Variants in WWC2 observed in about 807,000 individuals in gnomAD.
The protein encoded by WWC2 is protein WWC2.
WWC2 carries 101 observed loss-of-function variants against 138.5 expected under a neutral mutation model. The observed-to-expected ratio is 0.73, with a 90% CI of 0.62 to 0.86. WWC2 has a LOEUF of 0.86. WWC2 is among the 40% of genes least tolerant of loss of function. The pLI is 0.00. For missense variants in WWC2, 1,420 were observed against 1,419.4 expected (o/e 1.00, Z -0.01); for synonymous variants, 558 against 538.4 (o/e 1.04, Z -0.50).
At chr4:183,183,602 C>T (rs1236053415) in intron 1 of WWC2, among the ~76,000 whole-genome samples, 1 of 152,100 alleles carries the variant, frequency 6.6e-6, no homozygotes, top group African/African-American at 2.4e-5. Flanking sequence ...GGCATCAGAC[C>T]TCATGTCTAC....
Position 183,317,060 on chromosome 4 carries a change from C to T in WWC2, c.*1331C>T, listed in dbSNP as rs1255837362. 6.6e-6 allele frequency: 1 copy of T among 151,976 alleles called. No homozygotes were observed. Among genetic ancestry groups the T allele is most frequent in the Non-Finnish European group, 1.5e-5 (1 of 68,028 alleles). 9.4% of individuals were successfully genotyped at this position (151,976 alleles called of 1,614,324 possible). On this transcript the variant is annotated 3_prime_UTR_variant, in exon 23 of 23. Coordinates refer to ENST00000403733, the MANE Select transcript of WWC2 (RefSeq NM_024949.6). ...TAGTATTTAGGCCATTTAAACCATA[C>T]TTATTACTCAATAACCCAAGAAACA...
rs372750952 is a variant in WWC2, at chr4:183,223,736, G to T, written c.522+14711G>T. Among the ~76,000 whole-genome samples, 51 of 151,746 alleles carry T rather than the reference G, an allele frequency of 3.4e-4. 1 individual carries two copies. The East Asian group carries it at 5.8e-3, about 17-fold the overall frequency. ...TTTTTTATTTATTGTCTTTTTTTGAGACGGAGTCTCACCTTGTCTTACCCA... is the reference window on the plus strand; with the variant it reads ...TTTTTTATTTATTGTCTTTTTTTGATACGGAGTCTCACCTTGTCTTACCCA... On this transcript the variant is annotated intron_variant, in intron 4 of 22. Coordinates refer to ENST00000403733, the MANE Select transcript of WWC2 (RefSeq NM_024949.6).
intron 2 of WWC2, among the ~76,000 whole-genome samples, chr4:183,207,442 C>T (rs1417290795): frequency 6.6e-6 from 1 of 152,156 alleles, no homozygotes; most frequent in African/African-American, 2.4e-5. Context: ...TAAACAATAA[C>T]TGACTAAAAT....
At position 183,115,693 on chromosome 4, in the gene WWC2, T is replaced by G. The variant is rs186143397; in HGVS notation, c.131+16071T>G. Among the ~76,000 whole-genome samples the G allele has an allele frequency of 1.5e-3, 223 of 152,316 alleles. 2 individuals are homozygous for G. Among genetic ancestry groups the G allele is most frequent in the African/African-American group, 5.1e-3 (213 of 41,568 alleles). On this transcript the variant is annotated intron_variant, in intron 1 of 22. Coordinates refer to ENST00000403733, the MANE Select transcript of WWC2 (RefSeq NM_024949.6). ...GTCCGTTGCTCATTTTTTATGGGGT[T>G]GTTTGTTTTTTGCTTGTTGGTTTGT...
At chr4:183,123,855 AT>A (rs1033688439) in intron 1 of WWC2, among the ~76,000 whole-genome samples, 9 of 151,282 alleles carry the variant, frequency 5.9e-5, no homozygotes, top group Admixed American at 2.6e-4. Context: ...CTATTTGTTA[AT>A]TTTTTTTTAG....
At chr4:183,125,865 G>A (rs192245581) in intron 1 of WWC2, among the ~76,000 whole-genome samples, 21 of 152,306 alleles carry the variant, frequency 1.4e-4, no homozygotes, top group African/African-American at 5.1e-4. Flanking sequence ...CTTTAGGACT[G>A]TTTAATGAAC....
chr4:183,315,273 A>G (rs1438400473), intron 22 of WWC2, among the ~76,000 whole-genome samples: 3 of 152,062 alleles, frequency 2.0e-5, no homozygotes, highest in African/African-American at 7.2e-5. Context: ...TTTTCCTGTT[A>G]TTGTGTGCTT....
chr4:183,245,180 T>G (rs1028667884), intron 5 of WWC2, among the ~76,000 whole-genome samples: 8 of 132,618 alleles, frequency 6.0e-5, no homozygotes, highest in African/African-American at 2.0e-4. Flanking sequence ...TGAGCTGAGA[T>G]CACGCCACTG....
At chr4:183,302,783 G>T (rs967524819) in intron 21 of WWC2, among the ~76,000 whole-genome samples, 1 of 152,174 alleles carries the variant, frequency 6.6e-6, no homozygotes, top group Admixed American at 6.5e-5. Context: ...TCAGATAGAG[G>T]CTGGGTGCAT....
intron 1 of WWC2, among the ~76,000 whole-genome samples, chr4:183,137,389 C>G (rs149100071): frequency 0.02 from 2,986 of 151,540 alleles, 37 homozygotes; most frequent in Non-Finnish European, 0.03. Flanking sequence ...TTTATTTTTT[C>G]TTTTTAAACT....
At chr4:183,313,310 C>T (rs1739327430) in intron 22 of WWC2, among the ~76,000 whole-genome samples, 1 of 152,056 alleles carries the variant, frequency 6.6e-6, no homozygotes, top group African/African-American at 2.4e-5. Flanking sequence ...GCTCTCCGTG[C>T]ACAAAACCAA....
intron 5 of WWC2, among the ~76,000 whole-genome samples, chr4:183,243,233 A>G (rs901051692): frequency 1.3e-5 from 2 of 151,958 alleles, no homozygotes; most frequent in Admixed American, 1.3e-4. Context: ...GATTTGTTTT[A>G]TCATTAAATT....
intron 21 of WWC2, among the ~76,000 whole-genome samples, chr4:183,295,644 A>C (rs113926473): frequency 1.3e-5 from 2 of 152,174 alleles, no homozygotes; most frequent in Admixed American, 1.3e-4. Flanking sequence ...TTTGAAATCA[A>C]CCCTCAACTC....
chr4:183,158,326 C>T (rs909154501), intron 1 of WWC2, among the ~76,000 whole-genome samples: 1 of 152,124 alleles, frequency 6.6e-6, no homozygotes, highest in South Asian at 2.1e-4. Flanking sequence ...GTAGCACTGA[C>T]TGGGTGGCTT....
intron 4 of WWC2, among the ~76,000 whole-genome samples, chr4:183,221,226 A>G (rs1735926715): frequency 6.6e-6 from 1 of 152,248 alleles, no homozygotes; most frequent in Non-Finnish European, 1.5e-5. Flanking sequence ...TCATAAATAG[A>G]TCAGTTCATC....
In WWC2 at chr4:183,163,498, A is replaced by T. The variant is rs1734019449; in HGVS notation, c.132-30101A>T. Among the ~76,000 whole-genome samples, 3 of 152,230 alleles carry T rather than the reference A, an allele frequency of 2.0e-5. No individual in the cohort carries two copies. The South Asian group carries it at 6.2e-4, about 31-fold the overall frequency. ...GATAACTTTATTTAGGTAAGCTGTG[A>T]GGTTGAGACTTCTGTGATCTGGTTT... is the stretch of plus-strand genomic sequence containing the variant. On this transcript the variant is annotated intron_variant, in intron 1 of 22. Transcript: ENST00000403733.
chr4:183,251,030 T>G (rs974879754), intron 8 of WWC2, among the ~76,000 whole-genome samples: 18 of 152,226 alleles, frequency 1.2e-4, no homozygotes, highest in Admixed American at 1.2e-3. Flanking sequence ...AACCTAAGCT[T>G]CATTCCACAA....
Position 183,248,747 on chromosome 4 carries a change from G to C in WWC2, c.766G>C (p.Asp256His). 6.2e-7 allele frequency: 1 copy of C among 1,603,538 alleles called. No homozygotes were observed. Among genetic ancestry groups the C allele is most frequent in the Non-Finnish European group, 8.5e-7 (1 of 1,174,578 alleles). Residue 256 changes from aspartate (D) to histidine (H), a missense_variant, in exon 7 of 23, where the codon GAT becomes CAT. By Grantham distance (81) the Asp-to-His change is moderately conservative. Coordinates refer to ENST00000403733, the MANE Select transcript of WWC2 (RefSeq NM_024949.6). ...TAAGCTGCAGGAGCGGTTTCATTTG[G>C]ATCAGAACATTGGCAGATCTGAGCC... ...LAKLQERFHL[D>H]QNIGRSEPDL...
At chr4:183,173,637 G>A (rs1348682071) in intron 1 of WWC2, among the ~76,000 whole-genome samples, 1 of 151,624 alleles carries the variant, frequency 6.6e-6, no homozygotes, top group Non-Finnish European at 1.5e-5. Context: ...TGATGTGCAC[G>A]TCTCCCCTAC....
Sources: gnomAD v4.1 joint callset for allele counts (sites outside exome capture counted in the v4.1 genomes callset) on GRCh38, gnomAD v4.1.1 for gene constraint, MANE v1.5 for transcripts, NCBI Gene and HGNC (gene_info 2026-07-23, HGNC 2026-07-21) for gene names.